DPP10: variants seen among roughly 807,000 people sequenced by gnomAD.
The protein encoded by DPP10 is dipeptidyl peptidase like 10.
DPP10 carries 33 observed loss-of-function variants against 120.9 expected under a neutral mutation model. That is an observed-to-expected ratio of 0.27 (90% CI 0.21 to 0.37). DPP10 has a LOEUF of 0.37. DPP10 is among the 10% of genes least tolerant of loss of function. The pLI, the probability that DPP10 is intolerant of heterozygous loss-of-function variation, is 1.00. For synonymous variants in DPP10, 337 were observed against 326.1 expected (o/e 1.03, Z -0.36); for missense variants, 816 against 942.8 (o/e 0.87, Z 1.76).
At chr2:115,455,179 C>T (rs888921640) in intron 3 of DPP10, among the ~76,000 whole-genome samples, 3 of 151,802 alleles carry the variant, frequency 2.0e-5, no homozygotes, top group Non-Finnish European at 2.9e-5. Flanking sequence ...AATGGAGAGA[C>T]ATTCCATGTT....
chr2:114,737,334 G>A lies in DPP10; in HGVS notation c.60+294496G>A, dbSNP rs535306345. ...GTGTCTGATTGAAGAATGCGTGCAG[G>A]TGCCTCCTCCATCAGTCTGGTCCCA... On this transcript the variant is annotated intron_variant, in intron 1 of 25. Transcript: ENST00000410059. Among the ~76,000 whole-genome samples, 7 of 152,276 alleles carry A rather than the reference G, an allele frequency of 4.6e-5. No homozygotes were observed. In the South Asian group the frequency reaches 6.2e-4, roughly 14 times the overall value.
intron 1 of DPP10, among the ~76,000 whole-genome samples, chr2:114,711,182 TG>T (rs1701005434): frequency 6.6e-6 from 1 of 152,180 alleles, no homozygotes; most frequent in African/African-American, 2.4e-5. Flanking sequence ...CTTCCAGGCA[TG>T]GTATGACATG....
intron 1 of DPP10, among the ~76,000 whole-genome samples, chr2:114,819,864 A>G (rs1369158712): frequency 6.6e-6 from 1 of 152,194 alleles, no homozygotes; most frequent in Non-Finnish European, 1.5e-5. Flanking sequence ...TACATTTCCC[A>G]GAAAAGGAAC....
At chr2:115,554,965 G>A (rs1367645580) in intron 5 of DPP10, among the ~76,000 whole-genome samples, 2 of 152,050 alleles carry the variant, frequency 1.3e-5, no homozygotes, top group African/African-American at 4.8e-5. Flanking sequence ...TAATACAGGG[G>A]CAGCTCTAAA....
intron 1 of DPP10, among the ~76,000 whole-genome samples, chr2:114,925,210 CAAA>C (rs66986816): frequency 0.24 from 24,839 of 104,378 alleles, 1,995 homozygotes; most frequent in East Asian, 0.34. Context: ...GACTCTGTCT[CAAA>C]AAAAAAAAAA....
intron 9 of DPP10, 116 bp from the exon 10 acceptor site, chr2:115,745,970 T>G: frequency 2.8e-6 from 2 of 703,530 alleles, no homozygotes; most frequent in Non-Finnish European, 4.5e-6. Context: ...TCAGAGAAAT[T>G]AAACTTTTTT....
chr2:114,518,929 C>T (rs1395755672), intron 1 of DPP10, among the ~76,000 whole-genome samples: 1 of 152,182 alleles, frequency 6.6e-6, no homozygotes, highest in Non-Finnish European at 1.5e-5. Context: ...GTAAGGTCAG[C>T]AGCTCCCATC....
chr2:114,487,415 A>G (rs576604426), intron 1 of DPP10, among the ~76,000 whole-genome samples: 10 of 152,336 alleles, frequency 6.6e-5, no homozygotes, highest in African/African-American at 2.4e-4. Flanking sequence ...CTTCAATTTT[A>G]ATACACTCTT....
At chr2:114,994,367 A>AG (rs1343516446) in intron 1 of DPP10, among the ~76,000 whole-genome samples, 8 of 152,176 alleles carry the variant, frequency 5.3e-5, no homozygotes, top group Non-Finnish European at 7.3e-5. Context: ...GTAGATAGAT[A>AG]AATTTTATTT....
rs2078105295 is a variant in DPP10, at chr2:115,525,888, CT to C, written c.367-5del. 3 of 1,550,318 alleles carry C rather than the reference CT, an allele frequency of 1.9e-6. No homozygotes were observed. The highest frequency in any genetic ancestry group is 2.6e-6 in the Non-Finnish European group (3 of 1,155,446). On this transcript the variant is annotated splice_polypyrimidine_tract_variant and intron_variant, in intron 4 of 25. Transcript: ENST00000410059. ...TTTTAAATATAACTGGTTTTTTTTTCTTTTTCTAGGTAACCTTCAAAGCATC... is the reference window on the plus strand; with the variant it reads ...TTTTAAATATAACTGGTTTTTTTTTCTTTTCTAGGTAACCTTCAAAGCATC...
At chr2:115,350,899 A>C (rs1264361289) in intron 3 of DPP10, among the ~76,000 whole-genome samples, 2 of 152,122 alleles carry the variant, frequency 1.3e-5, no homozygotes, top group Non-Finnish European at 2.9e-5. Flanking sequence ...TGTGGAGAAA[A>C]GAGAATGCCT....
chr2:114,903,576 G>C (rs1488031779), intron 1 of DPP10, among the ~76,000 whole-genome samples: 1 of 152,128 alleles, frequency 6.6e-6, no homozygotes, highest in Non-Finnish European at 1.5e-5. Flanking sequence ...TCTCTTCTTT[G>C]ATACAGTGTC....
chr2:115,300,210 A>G (rs1178997070), intron 1 of DPP10, among the ~76,000 whole-genome samples: 1 of 152,040 alleles, frequency 6.6e-6, no homozygotes, highest in African/African-American at 2.4e-5. Context: ...ATAACCATTA[A>G]AAAGATAACT....
In DPP10 at chr2:115,452,474, G is replaced by T. The variant is rs538492651; in HGVS notation, c.272-47036G>T. ...TTCACTTAGGAGTGTCCTTGTGACT[G>T]CCTTCTGGGTATAAATGCTCAAGAT... On this transcript the variant is annotated intron_variant, in intron 3 of 25. Coordinates refer to ENST00000410059, the MANE Select transcript of DPP10 (RefSeq NM_020868.6). Among the ~76,000 whole-genome samples, 3 of 151,966 alleles carry T rather than the reference G, an allele frequency of 2.0e-5. No homozygotes were observed. In the South Asian group the frequency reaches 6.2e-4, roughly 31 times the overall value.
intron 1 of DPP10, among the ~76,000 whole-genome samples, chr2:115,250,223 T>A (rs566051693): frequency 4.1e-4 from 63 of 152,292 alleles, no homozygotes; most frequent in African/African-American, 1.5e-3. Flanking sequence ...TGTTTAATGA[T>A]TTTGTAAAAC....
chr2:114,473,445 C>G (rs1573429945), intron 1 of DPP10, among the ~76,000 whole-genome samples: 1 of 152,166 alleles, frequency 6.6e-6, no homozygotes, highest in Admixed American at 6.5e-5. Flanking sequence ...ATGTGTCCTG[C>G]TGAAATGGCT....
intron 1 of DPP10, among the ~76,000 whole-genome samples, chr2:115,164,115 A>G (rs1230132227): frequency 6.6e-6 from 1 of 152,080 alleles, no homozygotes; most frequent in African/African-American, 2.4e-5. Context: ...AGTTTTATGA[A>G]TCTTATGCAT....
At chr2:115,690,264 T>C (rs2091240519) in intron 7 of DPP10, among the ~76,000 whole-genome samples, 1 of 152,288 alleles carries the variant, frequency 6.6e-6, no homozygotes, top group African/African-American at 2.4e-5. Flanking sequence ...ATAAAGATTA[T>C]TTTTTCTTAA....
At chr2:115,625,504 AG>A (rs1558942717) in intron 5 of DPP10, among the ~76,000 whole-genome samples, 1 of 152,262 alleles carries the variant, frequency 6.6e-6, no homozygotes, top group South Asian at 2.1e-4. Context: ...TGAGGGACAA[AG>A]ATAAACGTTA....
Sources: gnomAD v4.1 joint callset for allele counts (sites outside exome capture counted in the v4.1 genomes callset) on GRCh38, gnomAD v4.1.1 for gene constraint, MANE v1.5 for transcripts, NCBI Gene and HGNC (gene_info 2026-07-23, HGNC 2026-07-21) for gene names.